Variants in P4HA1 observed in about 807,000 individuals in gnomAD.
The protein encoded by P4HA1 is prolyl 4-hydroxylase subunit alpha-1.
A neutral mutation model predicts 72.8 loss-of-function variants in P4HA1; 24 were observed. The ratio of observed to expected loss-of-function variants is 0.33; its 90% confidence interval spans 0.24 to 0.46. The LOEUF (loss-of-function observed/expected upper bound fraction) is 0.46, where lower values mean the gene tolerates loss of function less well. Ranked by LOEUF, P4HA1 falls within the 20% of genes least tolerant of loss-of-function variation. The probability of loss-of-function intolerance (pLI) is 1.00; values close to 1 mark genes in which losing one functional copy is unlikely to be tolerated. For synonymous variants in P4HA1, 201 were observed against 218.8 expected (o/e 0.92, Z 0.72); for missense variants, 446 against 640.6 (o/e 0.70, Z 3.28).
At chr10:73,092,654 G>A (rs1842060696) in intron 1 of P4HA1, among the ~76,000 whole-genome samples, 2 of 147,734 alleles carry the variant, frequency 1.4e-5, no homozygotes, top group African/African-American at 5.0e-5. Flanking sequence ...CACCATGCCT[G>A]GGCAACATAG....
chr10:73,044,845 C>T (rs1238554235), intron 9 of P4HA1, 136 bp downstream of exon 9: 14 of 564,356 alleles, frequency 2.5e-5, no homozygotes, highest in East Asian at 5.9e-5. Context: ...TTTATCCATG[C>T]GTTATCCTGT....
chr10:73,031,244 G>C (rs1047069354), intron 9 of P4HA1, among the ~76,000 whole-genome samples: 1 of 152,226 alleles, frequency 6.6e-6, no homozygotes, highest in African/African-American at 2.4e-5. Context: ...AGCACTTTGG[G>C]AGGCTGAGGT....
In P4HA1 at chr10:73,074,797, G is replaced by A. The variant is rs200990228; in HGVS notation, c.76+11C>T. ...CAAAACCAACAAAAAACAACAAGTA[G>A]TAAGACTTACCAATTGAAGTAAAAA... On this transcript the variant is annotated intron_variant, in intron 2 of 14. Coordinates refer to ENST00000394890, the MANE Select transcript of P4HA1 (RefSeq NM_001017962.3). 4.8e-6 allele frequency: 7 copies of A among 1,445,632 alleles called. No individual in the cohort carries two copies. The highest frequency in any genetic ancestry group is 5.8e-6 in the Non-Finnish European group (6 of 1,031,834). 89.6% of individuals were successfully genotyped at this position (1,445,632 alleles called of 1,614,324 possible). A position where few individuals can be genotyped will look rare whatever the true frequency, so the allele number is the denominator to read the frequency against.
chr10:73,052,941 T>C (rs1347432337), intron 6 of P4HA1, among the ~76,000 whole-genome samples: 1 of 152,222 alleles, frequency 6.6e-6, no homozygotes, highest in Non-Finnish European at 1.5e-5. Context: ...TCCTAAGGTG[T>C]ATTTTTCCAA....
intron 1 of P4HA1, among the ~76,000 whole-genome samples, chr10:73,096,421 G>GA (rs1266264016): frequency 0.01 from 1,501 of 143,012 alleles, 30 homozygotes; most frequent in African/African-American, 0.031. Context: ...GGGGAACTTG[G>GA]AAAAAAAAAA....
At chr10:73,088,575 G>A (rs1468197823) in intron 1 of P4HA1, among the ~76,000 whole-genome samples, 1 of 152,194 alleles carries the variant, frequency 6.6e-6, no homozygotes, top group African/African-American at 2.4e-5. Flanking sequence ...ACCTTGAGGA[G>A]TCCTTTTGCT....
intron 14 of P4HA1, chr10:73,009,509 T>A (rs1484134622): frequency 1.2e-5 from 3 of 242,252 alleles, no homozygotes; most frequent in Non-Finnish European, 2.5e-5. Flanking sequence ...TACTACATTA[T>A]AATCCATTAG....
At chr10:73,053,821 G>A (rs935862639) in intron 5 of P4HA1, among the ~76,000 whole-genome samples, 8 of 152,014 alleles carry the variant, frequency 5.3e-5, no homozygotes, top group Non-Finnish European at 1.0e-4. Flanking sequence ...GAGAACCCAA[G>A]ACTGAAATTA....
chr10:73,091,341 A>C (rs904501951), intron 1 of P4HA1, among the ~76,000 whole-genome samples: 5 of 152,192 alleles, frequency 3.3e-5, no homozygotes, highest in African/African-American at 4.8e-5. Flanking sequence ...TGGCTCTGTC[A>C]CCCAGGCTGG....
At chr10:73,036,369 T>G (rs1355022103) in intron 9 of P4HA1, among the ~76,000 whole-genome samples, 1 of 152,010 alleles carries the variant, frequency 6.6e-6, no homozygotes, top group East Asian at 1.9e-4. Flanking sequence ...AATTTGACTT[T>G]CATGTAAAAT....
chr10:73,040,687 T>C lies in P4HA1; in HGVS notation c.1148+4294A>G, dbSNP rs547793200. ...TGGGGTTTTACCATGTTTGTGAGGA[T>C]GGTCTTGATCTCCTGACCTTGTGAT... On this transcript the variant is annotated intron_variant, in intron 9 of 14. Coordinates refer to ENST00000394890, the MANE Select transcript of P4HA1 (RefSeq NM_001017962.3). 1.7e-4 allele frequency among the ~76,000 whole-genome samples: 26 copies of C among 151,990 alleles called. No individual in the cohort carries two copies. In the East Asian group the frequency reaches 4.7e-3, roughly 27 times the overall value.
chr10:73,067,509 TCAC>T (rs1841454086), intron 5 of P4HA1, among the ~76,000 whole-genome samples: 1 of 152,192 alleles, frequency 6.6e-6, no homozygotes, highest in African/African-American at 2.4e-5. Context: ...GTCTCAGCTC[TCAC>T]TACTCTCACA....
chr10:73,017,545 C>T (rs192597702), intron 10 of P4HA1, among the ~76,000 whole-genome samples: 5 of 152,316 alleles, frequency 3.3e-5, no homozygotes, highest in Admixed American at 2.0e-4. Context: ...TCACTAAACA[C>T]TTTCCTTTGG....
chr10:73,036,768 A>G (rs1403628337), intron 9 of P4HA1, among the ~76,000 whole-genome samples: 1 of 152,190 alleles, frequency 6.6e-6, no homozygotes, highest in Non-Finnish European at 1.5e-5. Context: ...CATCCTTAAC[A>G]ATTACTGCTA....
In P4HA1 at chr10:73,030,139, C is replaced by T. The variant is rs2133062103; in HGVS notation, c.1248+132G>A. 7.1e-6 allele frequency: 3 copies of T among 424,978 alleles called. No homozygotes were observed. The East Asian group carries it at 1.0e-4, about 14-fold the overall frequency. 26.3% of individuals were successfully genotyped at this position (424,978 alleles called of 1,614,324 possible). A position where few individuals can be genotyped will look rare whatever the true frequency, so the allele number is the denominator to read the frequency against. On this transcript the variant is annotated intron_variant, in intron 10 of 14. Coordinates refer to ENST00000394890, the MANE Select transcript of P4HA1 (RefSeq NM_001017962.3). ...TTATTAAAATCACTTTGCATGGTTG[C>T]AGCTTACAGGGTCACTTTTTAAGGT... is the stretch of plus-strand genomic sequence containing the variant.
intron 2 of P4HA1, 46 bp from the exon 3 acceptor site, chr10:73,073,873 AG>A (rs1841627792): frequency 1.2e-6 from 1 of 865,682 alleles, no homozygotes; most frequent in Non-Finnish European, 2.0e-6. Context: ...CTTCAACACA[AG>A]TATGTTAAGA....
chr10:73,069,413 G>A (rs1841497691), intron 4 of P4HA1, among the ~76,000 whole-genome samples: 1 of 151,972 alleles, frequency 6.6e-6, no homozygotes, highest in South Asian at 2.1e-4. Flanking sequence ...TCTTAAAGTT[G>A]TTTTTTTCTT....
chr10:73,053,473 A>G lies in P4HA1; in HGVS notation c.581T>C (p.Leu194Pro). Reference protein sequence around the residue: ...ELWMEQALRQLDEGEISTIDK... With the variant: ...ELWMEQALRQPDEGEISTIDK... ...TATGGTAGAAATCTCGCCTTCATCC[A>G]GTTGCCTTAGGGCTTGTTCCATCCA... The change falls in exon 6 of 15, where the codon CTG becomes CCG. Residue 194 changes from leucine (L) to proline (P), a missense_variant. By Grantham distance (98) the Leu-to-Pro change is moderately conservative. Coordinates refer to ENST00000394890, the MANE Select transcript of P4HA1 (RefSeq NM_001017962.3). 1 of 1,614,190 alleles carries G rather than the reference A, an allele frequency of 6.2e-7. No homozygotes were observed. Among genetic ancestry groups the G allele is most frequent in the Non-Finnish European group, 8.5e-7 (1 of 1,180,018 alleles).
chr10:73,038,070 A>G (rs1192512572), intron 9 of P4HA1, among the ~76,000 whole-genome samples: 1 of 152,104 alleles, frequency 6.6e-6, no homozygotes, highest in East Asian at 1.9e-4. Flanking sequence ...AGCCTGGGCA[A>G]CAAAGCAAAA....
Sources: allele counts gnomAD v4.1 joint callset (sites outside exome capture counted in the v4.1 genomes callset), GRCh38; gene constraint gnomAD v4.1.1; transcripts MANE v1.5; gene names NCBI Gene and HGNC (gene_info 2026-07-23, HGNC 2026-07-21).